Variants in CTNS observed in about 807,000 individuals in gnomAD.
CTNS encodes cystinosin.
Under a neutral mutation model 43.7 loss-of-function variants are expected in CTNS, and 27 were observed. The observed-to-expected ratio is 0.62, with a 90% CI of 0.46 to 0.85. The LOEUF is 0.85. CTNS is among the 40% of genes least tolerant of loss of function. CTNS has a pLI of 0.00. For synonymous variants in CTNS, 187 were observed against 190.6 expected (o/e 0.98, Z 0.16); for missense variants, 457 against 475.4 (o/e 0.96, Z 0.36).
At chr17:3,657,725 A>C (rs2076186925) in intron 9 of CTNS, 2 of 524,116 alleles carry the variant, frequency 3.8e-6, no homozygotes, top group African/African-American at 1.9e-5. Flanking sequence ...CAAAGCAGAC[A>C]GAGCTTGAGA....
intron 3 of CTNS, among the ~76,000 whole-genome samples, chr17:3,641,355 G>GAGATATATAT (rs777820533): frequency 1.2e-4 from 8 of 64,052 alleles, no homozygotes; most frequent in African/African-American, 6.5e-4. Flanking sequence ...ACAAAAATCA[G>GAGATATATAT]ATACATATAT....
chr17:3,639,474 G>C (rs637492), intron 2 of CTNS, among the ~76,000 whole-genome samples: 64,676 of 151,612 alleles, frequency 0.43, 14,461 homozygotes, highest in Non-Finnish European at 0.49. Context: ...TTGAGACCAG[G>C]CTGGCCAACA....
chr17:3,657,139 A>T (rs1461215629), intron 9 of CTNS, among the ~76,000 whole-genome samples: 2 of 151,896 alleles, frequency 1.3e-5, no homozygotes, highest in Admixed American at 1.3e-4. Context: ...AGGAGGGCAG[A>T]GGAAGACGCT....
At chr17:3,647,576 G>A in intron 4 of CTNS, 54 bp downstream of exon 4, 1 of 1,513,152 alleles carries the variant, frequency 6.6e-7, no homozygotes, top group Non-Finnish European at 9.2e-7. Context: ...CCGCAGCTGG[G>A]TCAGGGCTGA....
chr17:3,642,041 C>CTG (rs371619089), intron 3 of CTNS, among the ~76,000 whole-genome samples: 16 of 143,894 alleles, frequency 1.1e-4, no homozygotes, highest in African/African-American at 3.4e-4. Context: ...TTGCCTGGGC[C>CTG]TGTGTGTGTG....
intron 4 of CTNS, among the ~76,000 whole-genome samples, chr17:3,647,932 T>G (rs529569107): frequency 6.6e-6 from 1 of 152,186 alleles, no homozygotes; most frequent in Admixed American, 6.5e-5. Flanking sequence ...GAAGCAGGAG[T>G]GGCCACGTCG....
chr17:3,656,817 C>T (rs370832972), intron 9 of CTNS, 22 bp downstream of exon 9: 4 of 1,612,604 alleles, frequency 2.5e-6, no homozygotes, highest in African/African-American at 1.3e-5. Context: ...CCTGGCCCCC[C>T]ACAGGCCACC....
chr17:3,657,752 C>T, intron 9 of CTNS: 1 of 567,792 alleles, frequency 1.8e-6, no homozygotes, highest in South Asian at 2.0e-5. Flanking sequence ...GCAGCCTGAA[C>T]AGGAGGCCCT....
At chr17:3,645,033 A>G (rs538483837) in intron 3 of CTNS, among the ~76,000 whole-genome samples, 1 of 152,266 alleles carries the variant, frequency 6.6e-6, no homozygotes, top group South Asian at 2.1e-4. Flanking sequence ...CACTTTCAGC[A>G]TCCTGTCCTG....
At chr17:3,645,485 G>A (rs2075821534) in intron 3 of CTNS, among the ~76,000 whole-genome samples, 1 of 152,130 alleles carries the variant, frequency 6.6e-6, no homozygotes, top group South Asian at 2.1e-4. Context: ...TCTCCTTAGA[G>A]GAGACGAGGT....
In CTNS at chr17:3,661,026, A is replaced by G. The variant is rs970677281; in HGVS notation, c.*657A>G. On this transcript the variant is annotated 3_prime_UTR_variant, in exon 12 of 12. Transcript: ENST00000046640. The stretch of plus-strand genomic sequence containing the variant: ...TCATGCCCAGCGCATTAGCATAGTA[A>G]CTCCTTTCAGATTTTTTGGAGGGAC... The G allele has an allele frequency of 6.0e-5, 28 of 466,208 alleles. No homozygotes were observed. The highest frequency in any genetic ancestry group is 1.1e-4 in the Non-Finnish European group (27 of 253,496). The allele number at this position is 466,208 out of a possible 1,614,324, so 28.9% of individuals were successfully genotyped here. A position where few individuals can be genotyped will look rare whatever the true frequency, so the allele number is the denominator to read the frequency against.
chr17:3,644,032 C>T (rs2075785700), intron 3 of CTNS, among the ~76,000 whole-genome samples: 1 of 152,158 alleles, frequency 6.6e-6, no homozygotes, highest in South Asian at 2.1e-4. Flanking sequence ...TGTTGTGACT[C>T]ATTTTGTAAA....
intron 3 of CTNS, among the ~76,000 whole-genome samples, chr17:3,640,551 A>T (rs1900957980): frequency 6.6e-6 from 1 of 152,230 alleles, no homozygotes; most frequent in African/African-American, 2.4e-5. Context: ...CAGACTATGC[A>T]GCTGATTCTC....
At chr17:3,640,764 T>C (rs944820450) in intron 3 of CTNS, among the ~76,000 whole-genome samples, 8 of 152,120 alleles carry the variant, frequency 5.3e-5, no homozygotes, top group African/African-American at 1.9e-4. Flanking sequence ...ATTAGCCATA[T>C]GCAGTGGCTC....
In CTNS at chr17:3,641,111, G is replaced by T. The variant is rs76161805; in HGVS notation, c.61+844G>T. Among the ~76,000 whole-genome samples the T allele has an allele frequency of 9.0e-3, 1,366 of 151,848 alleles. 26 individuals are homozygous for T. Among genetic ancestry groups the T allele is most frequent in the African/African-American group, 0.032 (1,320 of 41,354 alleles). ...CCCTTAGAGAGGGGCTGAGGAACAGGGTGCAACAGCCCAGCAGGGCTAGGG... is the reference window on the plus strand; with the variant it reads ...CCCTTAGAGAGGGGCTGAGGAACAGTGTGCAACAGCCCAGCAGGGCTAGGG... On this transcript the variant is annotated intron_variant, in intron 3 of 11. Transcript: ENST00000046640.
intron 11 of CTNS, 92 bp downstream of exon 11, chr17:3,660,067 C>T (rs372212611): frequency 1.7e-5 from 25 of 1,435,162 alleles, no homozygotes; most frequent in Middle Eastern, 4.8e-4. Flanking sequence ...GCTCCACCCC[C>T]ACCTGGGATC....
At chr17:3,650,670 T>C (rs912900331) in intron 5 of CTNS, among the ~76,000 whole-genome samples, 8 of 152,288 alleles carry the variant, frequency 5.3e-5, no homozygotes, top group Admixed American at 2.6e-4. Context: ...GCCGGTGGGT[T>C]CCCACAGCAC....
intron 4 of CTNS, among the ~76,000 whole-genome samples, chr17:3,648,106 A>T (rs2075888121): frequency 6.6e-6 from 1 of 152,022 alleles, no homozygotes; most frequent in South Asian, 2.1e-4. Context: ...AGCCGTGAGG[A>T]TTCCCTGATG....
chr17:3,640,411 G>A (rs2075656517), intron 3 of CTNS, 144 bp downstream of exon 3: 1 of 939,644 alleles, frequency 1.1e-6, no homozygotes. Context: ...GGCCACTGGG[G>A]TGGTGGAGCA....
Sources: allele counts gnomAD v4.1 joint callset (sites outside exome capture counted in the v4.1 genomes callset), GRCh38; gene constraint gnomAD v4.1.1; transcripts MANE v1.5; gene names NCBI Gene and HGNC (gene_info 2026-07-23, HGNC 2026-07-21).